Variants in CFAP58 observed in about 807,000 individuals in gnomAD.
CFAP58 encodes the protein cilia and flagella associated protein 58.
CFAP58 carries 88 observed loss-of-function variants against 119.5 expected under a neutral mutation model. That is an observed-to-expected ratio of 0.74 (90% CI 0.62 to 0.88). The LOEUF (loss-of-function observed/expected upper bound fraction) is 0.88. Ranked by LOEUF, CFAP58 falls within the 40% of genes least tolerant of loss-of-function variation. CFAP58 has a pLI of 0.00. For missense variants in CFAP58, 990 were observed against 1,021.2 expected, an observed-to-expected ratio of 0.97 and a Z score of 0.42; for synonymous variants, 365 against 366.3, an observed-to-expected ratio of 1.00 and a Z score of 0.04.
chr10:104,354,561 A>G (rs183241717), intron 1 of CFAP58, among the ~76,000 whole-genome samples: 1 of 151,970 alleles, frequency 6.6e-6, no homozygotes, highest in Non-Finnish European at 1.5e-5. Flanking sequence ...CCCCTCACGT[A>G]TAACCTCAAG....
intron 7 of CFAP58, among the ~76,000 whole-genome samples, chr10:104,373,252 T>C (rs751201797): frequency 6.6e-6 from 1 of 152,170 alleles, no homozygotes; most frequent in Non-Finnish European, 1.5e-5. Context: ...TGGAGAGATA[T>C]ATTAAGTTCC....
chr10:104,398,024 T>A (rs2012195216), intron 11 of CFAP58, among the ~76,000 whole-genome samples: 1 of 152,248 alleles, frequency 6.6e-6, no homozygotes, highest in South Asian at 2.1e-4. Context: ...AGGTACTTTA[T>A]AGTTTGCATG....
chr10:104,381,232 A>G (rs1222555848), intron 9 of CFAP58, among the ~76,000 whole-genome samples: 1 of 152,166 alleles, frequency 6.6e-6, no homozygotes, highest in East Asian at 1.9e-4. Flanking sequence ...TGAGTTCTAG[A>G]TCTCTGCTTC....
chr10:104,430,920 C>T (rs2012834957), intron 15 of CFAP58, among the ~76,000 whole-genome samples: 1 of 152,214 alleles, frequency 6.6e-6, no homozygotes, highest in Non-Finnish European at 1.5e-5. Context: ...TAAGTTTACA[C>T]TATCTGCCAT....
the CFAP58 span, among the ~76,000 whole-genome samples, chr10:104,340,342 T>C: frequency 1.3e-5 from 2 of 152,204 alleles, no homozygotes; most frequent in Non-Finnish European, 2.9e-5. Flanking sequence ...GATATTCATA[T>C]GTACTCTACT....
chr10:104,386,104 A>C (rs1394308124), intron 9 of CFAP58, among the ~76,000 whole-genome samples: 1 of 149,070 alleles, frequency 6.7e-6, no homozygotes, highest in Non-Finnish European at 1.5e-5. Flanking sequence ...TGGGCTGGGC[A>C]TGGTGGCTCA....
chr10:104,416,674 A>G (rs2012559429), intron 15 of CFAP58, among the ~76,000 whole-genome samples: 1 of 152,196 alleles, frequency 6.6e-6, no homozygotes, highest in African/African-American at 2.4e-5. Context: ...TGTGTTAAAC[A>G]TTGCTCTAAA....
chr10:104,429,327 G>C (rs2012804438), intron 15 of CFAP58, among the ~76,000 whole-genome samples: 1 of 152,172 alleles, frequency 6.6e-6, no homozygotes, highest in East Asian at 1.9e-4. Context: ...CGAGGGCAGA[G>C]AGCAAAGGAG....
At chr10:104,342,680 A>T in the CFAP58 span, among the ~76,000 whole-genome samples, 1 of 128,476 alleles carries the variant, frequency 7.8e-6, no homozygotes, top group Non-Finnish European at 1.8e-5. Flanking sequence ...AAAAAAAAAA[A>T]AAAAAAATAC....
intron 3 of CFAP58, among the ~76,000 whole-genome samples, chr10:104,363,040 C>G (rs982273768): frequency 6.6e-6 from 1 of 152,222 alleles, no homozygotes; most frequent in Admixed American, 6.5e-5. Flanking sequence ...TAAGACCCAT[C>G]TCAAACACTG....
At chr10:104,387,870 C>T (rs1023214928) in intron 9 of CFAP58, among the ~76,000 whole-genome samples, 8 of 152,164 alleles carry the variant, frequency 5.3e-5, no homozygotes, top group African/African-American at 1.9e-4. Context: ...TGCAACAAAT[C>T]CCTAACAACA....
intron 15 of CFAP58, among the ~76,000 whole-genome samples, chr10:104,436,224 T>TTTATATATG (rs1223351656): frequency 5.3e-5 from 8 of 152,226 alleles, no homozygotes; most frequent in Non-Finnish European, 8.8e-5. Flanking sequence ...AATGTTCTGT[T>TTTATATATG]TTATATATGT....
intron 15 of CFAP58, among the ~76,000 whole-genome samples, chr10:104,411,668 CTT>C (rs1294162121): frequency 2.0e-5 from 3 of 151,928 alleles, no homozygotes; most frequent in African/African-American, 7.3e-5. Context: ...TAAATTCTCA[CTT>C]TGGGTTTCTT....
At chr10:104,339,701 G>T in the CFAP58 span, among the ~76,000 whole-genome samples, 2 of 152,144 alleles carry the variant, frequency 1.3e-5, no homozygotes, top group Non-Finnish European at 1.5e-5. Context: ...CTGGCCCTTG[G>T]CCCAGGGTAC....
At chr10:104,425,901 C>T (rs1173233158) in intron 15 of CFAP58, among the ~76,000 whole-genome samples, 2 of 152,120 alleles carry the variant, frequency 1.3e-5, no homozygotes, top group Non-Finnish European at 2.9e-5. Flanking sequence ...AAGGGACAGG[C>T]TCTGGGGAGG....
At chr10:104,381,713 G>T (rs1221536517) in intron 9 of CFAP58, among the ~76,000 whole-genome samples, 1 of 151,994 alleles carries the variant, frequency 6.6e-6, no homozygotes, top group African/African-American at 2.4e-5. Flanking sequence ...AAACTTTACT[G>T]ATAGGAAGTC....
At chr10:104,374,846 C>CAAAAAAAAAA (rs56074829) in intron 7 of CFAP58, among the ~76,000 whole-genome samples, 1 of 101,512 alleles carries the variant, frequency 9.9e-6, no homozygotes, top group Admixed American at 1.0e-4. Context: ...CTTATAACTG[C>CAAAAAAAAAA]AAAAAAAAAA....
At chr10:104,412,668 T>C (rs1296982955) in intron 15 of CFAP58, among the ~76,000 whole-genome samples, 19 of 152,142 alleles carry the variant, frequency 1.2e-4, no homozygotes, top group Non-Finnish European at 1.5e-5. Flanking sequence ...AAATAACTGT[T>C]TAATCTGTTA....
At chr10:104,381,176 G>A (rs965125187) in intron 9 of CFAP58, among the ~76,000 whole-genome samples, 1 of 151,018 alleles carries the variant, frequency 6.6e-6, no homozygotes, top group African/African-American at 2.5e-5. Flanking sequence ...CAAACAAACA[G>A]ACAAACAAAC....
Sources: allele counts gnomAD v4.1 joint callset (sites outside exome capture counted in the v4.1 genomes callset), GRCh38; gene constraint gnomAD v4.1.1; transcripts MANE v1.5; gene names NCBI Gene and HGNC (gene_info 2026-07-23, HGNC 2026-07-21).